Variants in PARD3B observed in about 807,000 individuals in gnomAD.
PARD3B encodes the protein partitioning defective 3 homolog B.
Under a neutral mutation model 130.2 loss-of-function variants are expected in PARD3B, and 103 were observed. The observed-to-expected ratio is 0.79, with a 90% CI of 0.67 to 0.93. The LOEUF is 0.93. PARD3B is among the 40% of genes least tolerant of loss of function. PARD3B has a pLI of 0.00. For missense variants in PARD3B, 1,609 were observed against 1,499.2 expected (o/e 1.07, Z -1.21); for synonymous variants, 583 against 553.2 (o/e 1.05, Z -0.76).
chr2:205,375,105 T>C (rs1473489760), intron 18 of PARD3B, among the ~76,000 whole-genome samples: 2 of 152,214 alleles, frequency 1.3e-5, no homozygotes, highest in Non-Finnish European at 2.9e-5. Flanking sequence ...AAGTTCCTCT[T>C]TGTTCTCCAG....
In PARD3B at chr2:204,807,316, T is replaced by C. The variant is rs576040739; in HGVS notation, c.222+121034T>C. Among the ~76,000 whole-genome samples, 27 of 152,192 alleles carry C rather than the reference T, an allele frequency of 1.8e-4. 1 individual carries two copies. The highest frequency in any genetic ancestry group is 6.3e-4 in the African/African-American group (26 of 41,550). Reference sequence around the variant, plus strand: ...ATGAGATGTTTCACCTCAGTAAAAATGGCTTTTCTTCAAAGGACAGGCAAT... The same window carrying C: ...ATGAGATGTTTCACCTCAGTAAAAACGGCTTTTCTTCAAAGGACAGGCAAT... On this transcript the variant is annotated intron_variant, in intron 2 of 22. Coordinates refer to ENST00000406610, the MANE Select transcript of PARD3B (RefSeq NM_001302769.2).
chr2:205,447,920 A>G (rs2047962751), intron 20 of PARD3B, among the ~76,000 whole-genome samples: 1 of 152,204 alleles, frequency 6.6e-6, no homozygotes, highest in Non-Finnish European at 1.5e-5. Flanking sequence ...TCTTGGGTTG[A>G]GCTACCTGGA....
intron 16 of PARD3B, among the ~76,000 whole-genome samples, chr2:205,246,361 A>G (rs2125920720): frequency 6.6e-6 from 1 of 152,114 alleles, no homozygotes; most frequent in African/African-American, 2.4e-5. Flanking sequence ...ATTTCTAAGG[A>G]TCTCTTAGGT....
At position 204,545,963 on chromosome 2, in the gene PARD3B, T is replaced by A; in HGVS notation, c.-37T>A. 1 of 1,529,110 alleles carries A rather than the reference T, an allele frequency of 6.5e-7. No individual in the cohort carries two copies. Among genetic ancestry groups the A allele is most frequent in the Non-Finnish European group, 8.8e-7 (1 of 1,137,482 alleles). 94.7% of individuals were successfully genotyped at this position (1,529,110 alleles called of 1,614,324 possible). ...GGCTGCGCCCGCGGGGTCAGACACC[T>A]GTTCGGCCCGGCCCGGCGTGGTCGC... On this transcript the variant is annotated 5_prime_UTR_variant, in exon 1 of 23. Coordinates refer to ENST00000406610, the MANE Select transcript of PARD3B (RefSeq NM_001302769.2).
intron 1 of PARD3B, among the ~76,000 whole-genome samples, chr2:204,548,162 T>C (rs1163750094): frequency 6.6e-6 from 1 of 152,218 alleles, no homozygotes; most frequent in Non-Finnish European, 1.5e-5. Flanking sequence ...GTATTCATAA[T>C]GGCACTAAAA....
At chr2:204,866,349 T>C (rs1014299273) in intron 2 of PARD3B, among the ~76,000 whole-genome samples, 2 of 152,166 alleles carry the variant, frequency 1.3e-5, no homozygotes, top group Non-Finnish European at 2.9e-5. Context: ...TTAAAAGATA[T>C]AAATGAAACA....
chr2:204,660,195 A>T (rs1170301918), intron 1 of PARD3B, among the ~76,000 whole-genome samples: 1 of 152,082 alleles, frequency 6.6e-6, no homozygotes, highest in Admixed American at 6.6e-5. Context: ...TGAATTATAA[A>T]TTTTCATCCC....
At chr2:205,126,766 A>AAG (rs1426891277) in intron 10 of PARD3B, among the ~76,000 whole-genome samples, 2 of 83,934 alleles carry the variant, frequency 2.4e-5, no homozygotes, top group Non-Finnish European at 5.9e-5. Context: ...AAAAAAAAAA[A>AAG]AAAAAAAAAA....
intron 2 of PARD3B, among the ~76,000 whole-genome samples, chr2:204,760,322 T>C (rs977164266): frequency 1.7e-4 from 26 of 152,098 alleles, no homozygotes; most frequent in Admixed American, 1.6e-3. Flanking sequence ...GCATTTTTGC[T>C]TGTATTGATT....
intron 2 of PARD3B, among the ~76,000 whole-genome samples, chr2:204,749,467 A>T (rs1202814310): frequency 6.6e-6 from 1 of 152,208 alleles, no homozygotes; most frequent in Non-Finnish European, 1.5e-5. Context: ...GAATATGAGT[A>T]GGAAAATAGA....
At chr2:205,062,073 T>G (rs1445572299) in intron 4 of PARD3B, among the ~76,000 whole-genome samples, 1 of 152,128 alleles carries the variant, frequency 6.6e-6, no homozygotes, top group Non-Finnish European at 1.5e-5. Flanking sequence ...TGCCTTTATC[T>G]TGACTCACCT....
chr2:205,189,709 A>G (rs1474422264), intron 14 of PARD3B, among the ~76,000 whole-genome samples: 1 of 152,216 alleles, frequency 6.6e-6, no homozygotes, highest in Non-Finnish European at 1.5e-5. Context: ...ATATTTTCAC[A>G]TGAACTAACT....
At chr2:204,836,623 T>G (rs777738231) in intron 2 of PARD3B, among the ~76,000 whole-genome samples, 1 of 152,168 alleles carries the variant, frequency 6.6e-6, no homozygotes, top group Non-Finnish European at 1.5e-5. Flanking sequence ...ATCGTGCCAC[T>G]GCACTCCAGC....
Position 204,633,369 on chromosome 2 carries a change from C to A in PARD3B, c.121-52812C>A, listed in dbSNP as rs557067462. ...ATTTTGAAGCAAACCTCAGATGTCA[C>A]ATTTCATTCATAAATATTTCTGTAT... On this transcript the variant is annotated intron_variant, in intron 1 of 22. Coordinates refer to ENST00000406610, the MANE Select transcript of PARD3B (RefSeq NM_001302769.2). 3.9e-5 allele frequency among the ~76,000 whole-genome samples: 6 copies of A among 152,306 alleles called. No individual in the cohort carries two copies. In the South Asian group the frequency reaches 1.0e-3, roughly 26 times the overall value.
intron 3 of PARD3B, among the ~76,000 whole-genome samples, chr2:205,046,918 CT>C (rs1026315228): frequency 1.1e-4 from 17 of 152,080 alleles, no homozygotes; most frequent in African/African-American, 4.1e-4. Flanking sequence ...ATAGTATGAT[CT>C]TTTTTCAGAA....
Position 205,176,328 on chromosome 2 carries a change from A to C in PARD3B, c.1792-117A>C. ...TTTGAGTTTCCACAGTTGAGGACTT[A>C]AGTGTAATAGACTCTTGAAAGACTA... On this transcript the variant is annotated intron_variant, in intron 12 of 22. Coordinates refer to ENST00000406610, the MANE Select transcript of PARD3B (RefSeq NM_001302769.2). The surrounding 1 kb of genome is among the most constrained non-coding windows in gnomAD (Gnocchi z 5.3). The C allele has an allele frequency of 9.9e-7, 1 of 1,011,568 alleles. No homozygotes were observed. The highest frequency in any genetic ancestry group is 1.9e-5 in the South Asian group (1 of 51,344). 62.7% of individuals were successfully genotyped at this position (1,011,568 alleles called of 1,614,324 possible). A position where few individuals can be genotyped will look rare whatever the true frequency, so the allele number is the denominator to read the frequency against.
At chr2:205,576,550 C>T (rs190845757) in intron 22 of PARD3B, among the ~76,000 whole-genome samples, 16 of 152,236 alleles carry the variant, frequency 1.1e-4, no homozygotes, top group Admixed American at 8.5e-4. Context: ...GTTGAAAAGA[C>T]GATCTCTTCT....
At chr2:204,881,905 A>T (rs1353376529) in intron 2 of PARD3B, among the ~76,000 whole-genome samples, 4 of 152,128 alleles carry the variant, frequency 2.6e-5, no homozygotes, top group African/African-American at 9.7e-5. Context: ...GTTCTGGGAG[A>T]GGCAAAGCTA....
At chr2:205,503,548 C>G (rs2050237514) in intron 21 of PARD3B, among the ~76,000 whole-genome samples, 1 of 151,976 alleles carries the variant, frequency 6.6e-6, no homozygotes, top group Non-Finnish European at 1.5e-5. Context: ...GTTTTGGTAC[C>G]AGTACCATGC....
Sources: gnomAD v4.1 joint callset for allele counts (sites outside exome capture counted in the v4.1 genomes callset) on GRCh38, gnomAD v4.1.1 for gene constraint, Gnocchi (gnomAD v3.1) non-coding constraint, MANE v1.5 for transcripts, NCBI Gene and HGNC (gene_info 2026-07-23, HGNC 2026-07-21) for gene names.